Variants in NISCH observed in about 807,000 individuals in gnomAD.
The protein encoded by NISCH is nischarin.
A neutral mutation model predicts 138.4 loss-of-function variants in NISCH; 55 were observed. That is an observed-to-expected ratio of 0.40 (90% confidence interval 0.32 to 0.50). The LOEUF is 0.50. Among genes scored for constraint, NISCH ranks in the 20% least tolerant of loss-of-function variants. The pLI is 0.71. For synonymous variants in NISCH, 860 were observed against 861.5 expected (o/e 1.00, Z 0.03); for missense variants, 1,643 against 2,005.5 (o/e 0.82, Z 3.45).
chr3:52,489,654 G>C lies in NISCH; in HGVS notation c.3432G>C (p.Glu1144Asp). ...GCCTGCGGGGCAGCGCCATCATCGAGCTCTTCCACAGCAGCATTGCTGAGG... is the reference window on the plus strand; with the variant it reads ...GCCTGCGGGGCAGCGCCATCATCGACCTCTTCCACAGCAGCATTGCTGAGG... ...VASLRGSAII[E>D]LFHSSIAEVE... Residue 1144 changes from glutamate to aspartate, a missense_variant, in exon 17 of 21, where the codon GAG (glutamate) becomes GAC (aspartate). Coordinates refer to ENST00000345716, the MANE Select transcript of NISCH (RefSeq NM_007184.4). 1 of 1,612,678 alleles carries C rather than the reference G, an allele frequency of 6.2e-7. No individual in the cohort carries two copies. Among genetic ancestry groups the C allele is most frequent in the East Asian group, 2.2e-5 (1 of 44,878 alleles).
Position 52,492,775 on chromosome 3 carries a change from G to T in NISCH, c.*293G>T. On this transcript the variant is annotated 3_prime_UTR_variant, in exon 21 of 21. Coordinates refer to ENST00000345716, the MANE Select transcript of NISCH (RefSeq NM_007184.4). ...CCGTTGTTAACACGTGACACTGTGG[G>T]TCTGACTTTCTCTTCTACACGTCCT... is the stretch of plus-strand genomic sequence containing the variant. 1 of 440,810 alleles carries T rather than the reference G, an allele frequency of 2.3e-6. No individual in the cohort carries two copies. Among genetic ancestry groups the T allele is most frequent in the Non-Finnish European group, 4.1e-6 (1 of 246,846 alleles). 27.3% of individuals were successfully genotyped at this position (440,810 alleles called of 1,614,324 possible).
intron 3 of NISCH, among the ~76,000 whole-genome samples, chr3:52,461,824 C>T (rs951351969): frequency 6.7e-6 from 1 of 149,930 alleles, no homozygotes. Flanking sequence ...GATCGTGTCA[C>T]TGCACTCTAG....
Position 52,492,704 on chromosome 3 carries a change from AG to A in NISCH, c.*224del, listed in dbSNP as rs1707603427. On this transcript the variant is annotated 3_prime_UTR_variant, in exon 21 of 21. Coordinates refer to ENST00000345716, the MANE Select transcript of NISCH (RefSeq NM_007184.4). The stretch of plus-strand genomic sequence containing the variant: ...TGTCGGTGTGCTGTCAGCCTCCCAC[AG>A]GTGGTACAGCCGTGCACACCAGTGT... The A allele has an allele frequency of 1.6e-6, 1 of 612,574 alleles. No individual in the cohort carries two copies. The highest frequency in any genetic ancestry group is 2.8e-6 in the Non-Finnish European group (1 of 357,286). 37.9% of individuals were successfully genotyped at this position (612,574 alleles called of 1,614,324 possible).
In NISCH at chr3:52,480,976, C is replaced by G. The variant is rs769915577; in HGVS notation, c.1528+681C>G. 2.6e-5 allele frequency: 38 copies of G among 1,470,932 alleles called. 1 individual carries two copies. The Middle Eastern group carries it at 8.7e-4, about 34-fold the overall frequency. 91.1% of individuals were successfully genotyped at this position (1,470,932 alleles called of 1,614,324 possible). A position where few individuals can be genotyped will look rare whatever the true frequency, so the allele number is the denominator to read the frequency against. Reference sequence around the variant, plus strand: ...GAGGGTGTGCCGTCCCGAGTGGAGCCGAGGCTCGGGACACGCAGGAAAGGA... The same window carrying G: ...GAGGGTGTGCCGTCCCGAGTGGAGCGGAGGCTCGGGACACGCAGGAAAGGA... On this transcript the variant is annotated intron_variant, in intron 13 of 20. Coordinates refer to ENST00000345716, the MANE Select transcript of NISCH (RefSeq NM_007184.4).
chr3:52,467,351 A>G (rs750498799), intron 3 of NISCH, among the ~76,000 whole-genome samples: 20 of 152,056 alleles, frequency 1.3e-4, no homozygotes, highest in Non-Finnish European at 2.2e-4. Flanking sequence ...TGGCACCCCA[A>G]AGCAATTCAA....
At chr3:52,481,661 C>A in intron 13 of NISCH, 1 of 985,540 alleles carries the variant, frequency 1.0e-6, no homozygotes, top group Non-Finnish European at 1.2e-6. Context: ...AGTGAGTGGG[C>A]AGGTAGAGCA....
intron 7 of NISCH, among the ~76,000 whole-genome samples, chr3:52,475,362 TTTCTCCATTTTGATGGTCTCTGG>T (rs1707071622): frequency 6.6e-6 from 1 of 152,212 alleles, no homozygotes. Flanking sequence ...TAGGCCTGCC[TTTCTCCATTTTGATGGTCTCTGG>T]GCTTTGTGCT....
At chr3:52,484,071 T>G (rs1327190659) in intron 13 of NISCH, 1 of 158,810 alleles carries the variant, frequency 6.3e-6, no homozygotes, top group African/African-American at 2.4e-5. Context: ...TTCACGTCCT[T>G]TGCAGTCTGT....
At chr3:52,460,067 G>C (rs1347793687) in intron 3 of NISCH, among the ~76,000 whole-genome samples, 1 of 150,530 alleles carries the variant, frequency 6.6e-6, no homozygotes, top group Non-Finnish European at 1.5e-5. Context: ...TGTAATCCCA[G>C]CTATTTGGGA....
Position 52,478,566 on chromosome 3 carries a change from A to C in NISCH, c.1291A>C (p.Arg431=). 6.2e-7 allele frequency: 1 copy of C among 1,614,042 alleles called. No homozygotes were observed. Residue 431 remains arginine (R), a synonymous_variant, in exon 11 of 21, where the codon AGG becomes CGG. Transcript: ENST00000345716. ...RTKVLAQFGE[R]ASEVCLDDTV... Reference sequence around the variant, plus strand: ...CAAGGTGCTGGCTCAGTTCGGAGAGAGGGCCTCAGAGGTGAGCCCCAGCAC... The same window carrying C: ...CAAGGTGCTGGCTCAGTTCGGAGAGCGGGCCTCAGAGGTGAGCCCCAGCAC...
At chr3:52,468,317 CT>C (rs1706845250) in intron 3 of NISCH, among the ~76,000 whole-genome samples, 2 of 152,252 alleles carry the variant, frequency 1.3e-5, no homozygotes, top group South Asian at 4.1e-4. Context: ...GTGGGGAACC[CT>C]TTCTCCTGAG....
At chr3:52,469,279 T>TG (rs1381918285) in intron 3 of NISCH, among the ~76,000 whole-genome samples, 3 of 132,558 alleles carry the variant, frequency 2.3e-5, no homozygotes, top group East Asian at 2.3e-4. Flanking sequence ...GATGTGGGGG[T>TG]GGGGGGCTGA....
chr3:52,468,763 G>A (rs1706856813), intron 3 of NISCH, among the ~76,000 whole-genome samples: 2 of 152,062 alleles, frequency 1.3e-5, no homozygotes, highest in South Asian at 2.1e-4. Context: ...GATACAGGGA[G>A]GAGTTATTCT....
chr3:52,489,880 G>T, intron 17 of NISCH, 195 bp from the exon 18 acceptor site: 1 of 1,166,686 alleles, frequency 8.6e-7, no homozygotes, highest in Non-Finnish European at 1.2e-6. Context: ...CACCTCCTGT[G>T]CCACTTCCAG....
At position 52,491,346 on chromosome 3, in the gene NISCH, G is replaced by T. The variant is rs200807455; in HGVS notation, c.3743-6G>T. 7 of 1,608,972 alleles carry T rather than the reference G, an allele frequency of 4.4e-6. No homozygotes were observed. The highest frequency in any genetic ancestry group is 4.2e-6 in the Non-Finnish European group (5 of 1,177,696). On this transcript the variant is annotated splice_region_variant and splice_polypyrimidine_tract_variant and intron_variant, in intron 19 of 20. Coordinates refer to ENST00000345716, the MANE Select transcript of NISCH (RefSeq NM_007184.4). ...CTGTGGCCCTGACCAGCCCCTTCTC[G>T]TGCAGGTTCCACCCCGATGCAGGTG...
chr3:52,481,539 C>T (rs2153231491), intron 13 of NISCH: 2 of 985,466 alleles, frequency 2.0e-6, no homozygotes, highest in Middle Eastern at 5.2e-4. Flanking sequence ...CGCAGCCAAG[C>T]GAGCCTGTGG....
intron 13 of NISCH, chr3:52,482,034 G>A: frequency 2.0e-6 from 1 of 511,402 alleles, no homozygotes; most frequent in South Asian, 8.4e-5. Context: ...ACAGGCCACG[G>A]TCCAGGACGG....
At chr3:52,471,171 T>A in intron 4 of NISCH, 1 of 533,078 alleles carries the variant, frequency 1.9e-6, no homozygotes, top group Non-Finnish European at 3.3e-6. Context: ...TGTGCTTACC[T>A]GAAAGGGCTC....
chr3:52,465,383 G>A (rs1706753236), intron 3 of NISCH, among the ~76,000 whole-genome samples: 1 of 152,126 alleles, frequency 6.6e-6, no homozygotes, highest in Non-Finnish European at 1.5e-5. Context: ...ACCCACCTCG[G>A]CCTCCCAAAG....
Sources: gnomAD v4.1 joint callset for allele counts (sites outside exome capture counted in the v4.1 genomes callset) on GRCh38, gnomAD v4.1.1 for gene constraint, MANE v1.5 for transcripts, NCBI Gene and HGNC (gene_info 2026-07-23, HGNC 2026-07-21) for gene names.